TRIP4: variants seen among roughly 807,000 people sequenced by gnomAD.
TRIP4 encodes activating signal cointegrator 1.
TRIP4 carries 54 observed loss-of-function variants against 81.8 expected under a neutral mutation model. That is an observed-to-expected ratio of 0.66 (90% CI 0.53 to 0.83). TRIP4 has a LOEUF of 0.83. Among genes scored for constraint, TRIP4 ranks in the 40% least tolerant of loss-of-function variants. The pLI is 0.00. For missense variants in TRIP4, 662 were observed against 683.6 expected (o/e 0.97, Z 0.35); for synonymous variants, 270 against 242.8 (o/e 1.11, Z -1.04).
intron 9 of TRIP4, among the ~76,000 whole-genome samples, chr15:64,420,718 GA>G (rs1395478628): frequency 1.3e-5 from 2 of 151,618 alleles, no homozygotes; most frequent in Non-Finnish European, 1.5e-5. Flanking sequence ...GTTTTTACTA[GA>G]GATGGTGTTT....
chr15:64,398,991 C>T (rs1350595940), intron 4 of TRIP4, among the ~76,000 whole-genome samples: 1 of 135,434 alleles, frequency 7.4e-6, no homozygotes, highest in African/African-American at 2.8e-5. Context: ...ACTCTGTCGC[C>T]CAGGCTGGAG....
intron 5 of TRIP4, among the ~76,000 whole-genome samples, chr15:64,404,549 G>A (rs1596340370): frequency 6.6e-6 from 1 of 152,098 alleles, no homozygotes; most frequent in African/African-American, 2.4e-5. Flanking sequence ...GACCTCAGGT[G>A]ATCCACCCAC....
chr15:64,434,065 T>C (rs1463596), intron 11 of TRIP4, among the ~76,000 whole-genome samples: 132,892 of 151,980 alleles, frequency 0.87, 58,877 homozygotes, highest in East Asian at 0.96. Flanking sequence ...ATGGGGAGTC[T>C]CTCTGAAACT....
chr15:64,395,662 A>C, intron 3 of TRIP4, 131 bp downstream of exon 3: 1 of 1,020,354 alleles, frequency 9.8e-7, no homozygotes, highest in Non-Finnish European at 1.4e-6. Flanking sequence ...TTTTAGGTAG[A>C]AAAAGTTACA....
At chr15:64,411,399 A>G (rs919946503) in intron 7 of TRIP4, among the ~76,000 whole-genome samples, 3 of 152,130 alleles carry the variant, frequency 2.0e-5, no homozygotes, top group African/African-American at 7.2e-5. Flanking sequence ...GAGGCTATGT[A>G]TTTGGGAGGT....
At position 64,394,012 on chromosome 15, in the gene TRIP4, T is replaced by C. The variant is rs1177797366; in HGVS notation, c.168T>C (p.Asn56=). The C allele has an allele frequency of 1.2e-6, 2 of 1,610,914 alleles. No individual in the cohort carries two copies. Among genetic ancestry groups the C allele is most frequent in the Admixed American group, 1.7e-5 (1 of 59,524 alleles). The change falls in exon 2 of 13, where the codon AAT becomes AAC. Residue 56 remains asparagine (N), a synonymous_variant. Transcript: ENST00000261884. The part of the protein sequence containing the change: ...REYVTDLLQG[N]EGKKGQFIEE... ...ATGTTACTGATCTCCTCCAGGGAAA[T>C]GAAGGCAAAAAAGGTCAATTCATAG...
At chr15:64,402,861 T>G (rs368204898) in intron 5 of TRIP4, among the ~76,000 whole-genome samples, 30 of 151,002 alleles carry the variant, frequency 2.0e-4, no homozygotes, top group East Asian at 1.4e-3. Context: ...TTATTATTTA[T>G]TTAGTTAGTT....
intron 11 of TRIP4, among the ~76,000 whole-genome samples, chr15:64,426,205 G>T (rs548044651): frequency 5.3e-5 from 8 of 152,124 alleles, no homozygotes; most frequent in Non-Finnish European, 1.0e-4. Context: ...TTGATTGGGG[G>T]GTGGGAATAC....
At chr15:64,453,325 C>T (rs1292672578) in intron 12 of TRIP4, among the ~76,000 whole-genome samples, 2 of 152,224 alleles carry the variant, frequency 1.3e-5, no homozygotes, top group Admixed American at 1.3e-4. Flanking sequence ...TGTACTCTTA[C>T]ATTTGTCTGA....
At chr15:64,406,172 G>A (rs1891617484) in intron 5 of TRIP4, among the ~76,000 whole-genome samples, 158 bp from the exon 6 acceptor site, 1 of 152,220 alleles carries the variant, frequency 6.6e-6, no homozygotes. Flanking sequence ...CTGCTGTACA[G>A]GTAAGGCCTG....
At chr15:64,393,901 T>C (rs765877081) in intron 1 of TRIP4, 45 bp from the exon 2 acceptor site, 2 of 1,514,756 alleles carry the variant, frequency 1.3e-6, no homozygotes, top group African/African-American at 1.4e-5. Flanking sequence ...TGAGAAACAG[T>C]GTAAGTTAGT....
intron 3 of TRIP4, among the ~76,000 whole-genome samples, chr15:64,396,509 C>T (rs1407313036): frequency 6.6e-6 from 1 of 152,066 alleles, no homozygotes; most frequent in African/African-American, 2.4e-5. Context: ...GAACTCCTGA[C>T]CTCAAGCAAT....
intron 11 of TRIP4, among the ~76,000 whole-genome samples, chr15:64,441,112 T>C (rs1240406555): frequency 6.6e-6 from 1 of 152,030 alleles, no homozygotes; most frequent in East Asian, 1.9e-4. Context: ...TTCTCCTGCC[T>C]CAGCCTCCGG....
intron 6 of TRIP4, among the ~76,000 whole-genome samples, chr15:64,407,871 C>T (rs1051202908): frequency 2.0e-5 from 3 of 151,888 alleles, no homozygotes; most frequent in African/African-American, 4.8e-5. Flanking sequence ...CCAAGGCAGA[C>T]GGATTGCTTG....
intron 3 of TRIP4, 28 bp from the exon 4 acceptor site, chr15:64,397,578 A>G (rs1318329877): frequency 6.3e-7 from 1 of 1,598,394 alleles, no homozygotes; most frequent in Non-Finnish European, 8.6e-7. Flanking sequence ...TAATTATTTG[A>G]TGTTATTTTG....
intron 11 of TRIP4, among the ~76,000 whole-genome samples, chr15:64,433,971 G>A (rs527310086): frequency 1.6e-4 from 25 of 152,108 alleles, no homozygotes; most frequent in African/African-American, 6.0e-4. Context: ...GTGTGGCCCA[G>A]GACAATTCTT....
At chr15:64,431,013 T>C (rs181884095) in intron 11 of TRIP4, among the ~76,000 whole-genome samples, 1 of 152,114 alleles carries the variant, frequency 6.6e-6, no homozygotes, top group African/African-American at 2.4e-5. Context: ...CCAAGCAACA[T>C]AGATCTTCAG....
At chr15:64,394,675 TA>T (rs1900238711) in intron 2 of TRIP4, among the ~76,000 whole-genome samples, 1 of 148,430 alleles carries the variant, frequency 6.7e-6, no homozygotes, top group Non-Finnish European at 1.5e-5. Flanking sequence ...GGCTTCAGAA[TA>T]ATTTGAAAAA....
At chr15:64,446,675 T>C (rs1440737238) in intron 12 of TRIP4, among the ~76,000 whole-genome samples, 1 of 151,696 alleles carries the variant, frequency 6.6e-6, no homozygotes, top group African/African-American at 2.4e-5. Context: ...GTGCTGGGAT[T>C]ACAGGCGTGA....
Sources: gnomAD v4.1 joint callset for allele counts (sites outside exome capture counted in the v4.1 genomes callset) on GRCh38, gnomAD v4.1.1 for gene constraint, MANE v1.5 for transcripts, NCBI Gene and HGNC (gene_info 2026-07-23, HGNC 2026-07-21) for gene names.